FOXP1: variants seen among roughly 807,000 people sequenced by gnomAD.
FOXP1 encodes the protein forkhead box P1.
Under a neutral mutation model 98.2 loss-of-function variants are expected in FOXP1, and 15 were observed. That is an observed-to-expected ratio of 0.15 (90% CI 0.10 to 0.24). FOXP1 has a LOEUF of 0.24. FOXP1 is among the 10% of genes least tolerant of loss of function. FOXP1 has a pLI of 1.00. For synonymous variants in FOXP1, 371 were observed against 314.5 expected (o/e 1.18, Z -1.90); for missense variants, 633 against 848.5 (o/e 0.75, Z 3.15).
chr3:70,954,710 T>A lies in FOXP1; in HGVS notation c.*4537A>T, dbSNP rs754750250. 1 of 222,076 alleles carries A rather than the reference T, an allele frequency of 4.5e-6. No individual in the cohort carries two copies. The highest frequency in any genetic ancestry group is 2.2e-5 in the African/African-American group (1 of 44,746). The allele number at this position is 222,076 out of a possible 1,614,324, so 13.8% of individuals were successfully genotyped here. On this transcript the variant is annotated 3_prime_UTR_variant, in exon 21 of 21. Transcript: ENST00000649528. ...AAACAAACTTAGGCTGTGGCAACTT[T>A]TACTACCAGCGTGAACAACCAGCAT...
At chr3:70,980,741 C>T (rs1345791573) in intron 14 of FOXP1, among the ~76,000 whole-genome samples, 1 of 152,292 alleles carries the variant, frequency 6.6e-6, no homozygotes, top group East Asian at 1.9e-4. Context: ...AAATATAAGG[C>T]AGTTACTCCT....
chr3:70,980,304 A>G (rs1292817840), intron 14 of FOXP1, among the ~76,000 whole-genome samples: 10 of 152,206 alleles, frequency 6.6e-5, no homozygotes, highest in Non-Finnish European at 1.0e-4. Flanking sequence ...TAGTGCATGA[A>G]AGGCTAATGC....
intron 11 of FOXP1, among the ~76,000 whole-genome samples, chr3:71,020,475 A>C (rs1165266300): frequency 6.6e-6 from 1 of 152,192 alleles, no homozygotes; most frequent in Non-Finnish European, 1.5e-5. Flanking sequence ...TCCCAAGGTC[A>C]CTACTTAACC....
intron 5 of FOXP1, among the ~76,000 whole-genome samples, chr3:71,240,586 A>G (rs2067177522): frequency 6.6e-6 from 1 of 151,960 alleles, no homozygotes; most frequent in Non-Finnish European, 1.5e-5. Context: ...TCTGTCACCC[A>G]GGCTGGAGTG....
chr3:71,430,137 T>A (rs1455476413), intron 3 of FOXP1, among the ~76,000 whole-genome samples: 2 of 152,124 alleles, frequency 1.3e-5, no homozygotes, highest in Non-Finnish European at 2.9e-5. Context: ...ATGAGACAAT[T>A]CAGGTTTTTT....
intron 7 of FOXP1, among the ~76,000 whole-genome samples, chr3:71,087,416 C>T (rs747220760): frequency 9.9e-5 from 15 of 152,192 alleles, no homozygotes; most frequent in Non-Finnish European, 1.9e-4. Flanking sequence ...TTGATGTAAA[C>T]GGCATCGAGC....
intron 4 of FOXP1, among the ~76,000 whole-genome samples, chr3:71,316,698 G>T (rs574510450): frequency 1.4e-5 from 2 of 147,080 alleles, no homozygotes; most frequent in African/African-American, 5.0e-5. Flanking sequence ...TTGCTCTGTC[G>T]CCAGGCTGGA....
chr3:71,327,951 C>A (rs948118979), intron 4 of FOXP1, among the ~76,000 whole-genome samples: 4 of 152,180 alleles, frequency 2.6e-5, no homozygotes, highest in Non-Finnish European at 5.9e-5. Context: ...ATTCCCCCAA[C>A]CTCTCTACAC....
intron 3 of FOXP1, among the ~76,000 whole-genome samples, chr3:71,410,186 C>G (rs2082631611): frequency 6.6e-6 from 1 of 152,166 alleles, no homozygotes. Context: ...AAGCACAGTG[C>G]CTGGTATAAG....
At chr3:71,133,396 G>A (rs997574289) in intron 6 of FOXP1, among the ~76,000 whole-genome samples, 8 of 152,256 alleles carry the variant, frequency 5.3e-5, no homozygotes, top group East Asian at 3.9e-4. Context: ...TGGAATAGTC[G>A]TCTCGCTCTG....
chr3:71,155,602 C>T (rs1235368782), intron 6 of FOXP1, among the ~76,000 whole-genome samples: 1 of 152,186 alleles, frequency 6.6e-6, no homozygotes, highest in Non-Finnish European at 1.5e-5. Flanking sequence ...TCATGCTAAA[C>T]AGCACTGAAA....
chr3:71,355,498 G>A (rs2078091498), intron 4 of FOXP1, among the ~76,000 whole-genome samples: 1 of 152,222 alleles, frequency 6.6e-6, no homozygotes, highest in South Asian at 2.1e-4. Context: ...GGATGAGAAG[G>A]AGTGAGTCCT....
At chr3:70,998,560 C>T (rs17697822) in intron 13 of FOXP1, among the ~76,000 whole-genome samples, 23,310 of 152,132 alleles carry the variant, frequency 0.15, 2,130 homozygotes, top group Non-Finnish European at 0.21. Flanking sequence ...GGCAAACTCC[C>T]CGACAAAAAC....
chr3:71,253,109 C>A (rs951513418), intron 5 of FOXP1, among the ~76,000 whole-genome samples: 1 of 152,086 alleles, frequency 6.6e-6, no homozygotes, highest in African/African-American at 2.4e-5. Context: ...TGCCTCCATC[C>A]CCCAATTTTA....
intron 3 of FOXP1, among the ~76,000 whole-genome samples, chr3:71,397,012 A>ATATATATACACATATATATGTG (rs2081495302): frequency 3.0e-5 from 1 of 33,644 alleles, no homozygotes; most frequent in Non-Finnish European, 6.9e-5. Context: ...ATATGTGTAT[A>ATATATATACACATATATATGTG]TATATATATA....
At chr3:71,565,867 A>G (rs13316357) in intron 2 of FOXP1, among the ~76,000 whole-genome samples, 98,282 of 151,994 alleles carry the variant, frequency 0.65, 33,282 homozygotes, top group African/African-American at 0.71. Flanking sequence ...GGGTGATCAC[A>G]GAGCAATACT....
At chr3:71,155,336 AT>A (rs1435176667) in intron 6 of FOXP1, among the ~76,000 whole-genome samples, 1 of 152,242 alleles carries the variant, frequency 6.6e-6, no homozygotes, top group Non-Finnish European at 1.5e-5. Context: ...AACATACAGA[AT>A]TTTAAATTTT....
chr3:71,375,431 T>C (rs2079643333), intron 3 of FOXP1, among the ~76,000 whole-genome samples: 1 of 152,218 alleles, frequency 6.6e-6, no homozygotes, highest in Non-Finnish European at 1.5e-5. Context: ...TATTTAATGA[T>C]GTATATACAC....
chr3:71,082,543 G>A (rs559248814), intron 7 of FOXP1, among the ~76,000 whole-genome samples: 2 of 151,280 alleles, frequency 1.3e-5, no homozygotes, highest in African/African-American at 2.4e-5. Flanking sequence ...GTTGATGGGC[G>A]CAGCAAACCA....
Sources: allele counts gnomAD v4.1 joint callset (sites outside exome capture counted in the v4.1 genomes callset), GRCh38; gene constraint gnomAD v4.1.1; transcripts MANE v1.5; gene names NCBI Gene and HGNC (gene_info 2026-07-23, HGNC 2026-07-21).